Variants in LRRC37B observed in about 807,000 individuals in gnomAD.
The protein encoded by LRRC37B is leucine rich repeat containing 37B, also known as leucine-rich repeat-containing protein 37B.
In LRRC37B, 28 loss-of-function variants were observed where a neutral mutation model predicts 98.3. That is an observed-to-expected ratio of 0.28 (90% confidence interval 0.21 to 0.39). The LOEUF is 0.39. Among genes scored for constraint, LRRC37B ranks in the 10% least tolerant of loss-of-function variants. The pLI, the probability that LRRC37B is intolerant of heterozygous loss-of-function variation, is 1.00. For missense variants in LRRC37B, 938 were observed against 1,182.7 expected, an observed-to-expected ratio of 0.79 and a Z score of 3.03; for synonymous variants, 364 against 442.7, an observed-to-expected ratio of 0.82 and a Z score of 2.23.
chr17:32,051,724 A>G (rs1374217174), intron 11 of LRRC37B: 1 of 152,162 alleles, frequency 6.6e-6, no homozygotes, highest in Admixed American at 6.5e-5. Flanking sequence ...ACCAAAAACT[A>G]TCTTGGGATT....
At chr17:32,047,615 G>A in intron 8 of LRRC37B, 146 bp from the exon 12 acceptor site, 1 of 1,174,336 alleles carries the variant, frequency 8.5e-7, no homozygotes, top group Non-Finnish European at 1.2e-6. Context: ...ATAGGTTTAG[G>A]TTTGGGTGTA....
At chr17:32,016,448 T>C (rs1365100125), upstream of LRRC37B, among the ~76,000 whole-genome samples, 1 of 152,206 alleles carries the variant, frequency 6.6e-6, no homozygotes, top group East Asian at 1.9e-4. Context: ...TGGTTAAGCT[T>C]TGGCTTCCGT....
intron 5 of LRRC37B, among the ~76,000 whole-genome samples, chr17:32,031,710 C>G (rs941678565): frequency 6.8e-4 from 103 of 151,714 alleles, no homozygotes; most frequent in African/African-American, 2.3e-3. Context: ...AAGTGACCCT[C>G]AAATTAGCCT....
At chr17:32,020,883 A>T (rs1276195204), upstream of LRRC37B, 4 of 804,506 alleles carry the variant, frequency 5.0e-6, no homozygotes, top group Admixed American at 7.5e-5. Context: ...GAGTCCTGGG[A>T]CCACCCCGGT....
At position 32,045,780 on chromosome 17, in the gene LRRC37B, A is replaced by G. The variant is rs1911558040; in HGVS notation, c.2285A>G (p.His762Arg). The G allele has an allele frequency of 3.1e-6, 5 of 1,600,612 alleles. No individual in the cohort carries two copies. The East Asian group carries it at 1.1e-4, about 36-fold the overall frequency. Residue 762 changes from histidine to arginine, a missense_variant, in exon 8 of 12, where the codon CAT (histidine) becomes CGT (arginine). Coordinates refer to ENST00000327564, the Ensembl canonical transcript of LRRC37B. ...GCTGTCTGCAAGACAGTCAAGCTGC[A>G]TTGCAACACTGCATGTCTGACTAAC...
At chr17:32,020,769 A>C, upstream of LRRC37B, 2 of 518,380 alleles carry the variant, frequency 3.9e-6, no homozygotes, top group Non-Finnish European at 6.1e-6. Flanking sequence ...AGGCTGCCAG[A>C]ACTGGACTAG....
At chr17:32,037,419 C>A (rs1171876750) in intron 7 of LRRC37B, among the ~76,000 whole-genome samples, 1 of 151,962 alleles carries the variant, frequency 6.6e-6, no homozygotes, top group Non-Finnish European at 1.5e-5. Flanking sequence ...CCACACACCA[C>A]CATGCCCAGC....
At chr17:32,049,310 A>G in exon 10 of LRRC37B, 4 of 1,613,926 alleles carry the variant, frequency 2.5e-6, no homozygotes, top group Non-Finnish European at 3.4e-6. Context: ...CATTGAATGT[A>G]GAATGGGATA....
At chr17:32,043,421 T>G (rs1378616262) in intron 7 of LRRC37B, among the ~76,000 whole-genome samples, 1 of 151,806 alleles carries the variant, frequency 6.6e-6, no homozygotes, top group East Asian at 1.9e-4. Context: ...ATGAGCCAGG[T>G]GTGGTGGCAC....
intron 7 of LRRC37B, among the ~76,000 whole-genome samples, chr17:32,044,446 C>G (rs934353775): frequency 2.0e-5 from 3 of 152,200 alleles, no homozygotes; most frequent in Non-Finnish European, 4.4e-5. Flanking sequence ...CTGGATTTCT[C>G]TGTTTCCACA....
At position 32,026,538 on chromosome 17, in the gene LRRC37B, C is replaced by T. The variant is rs570487758; in HGVS notation, c.1833-1231C>T. Among the ~76,000 whole-genome samples the T allele has an allele frequency of 9.5e-4, 144 of 152,310 alleles. 1 individual carries two copies. Among genetic ancestry groups the T allele is most frequent in the South Asian group, 3.3e-3 (16 of 4,832 alleles). On this transcript the variant is annotated intron_variant, in intron 2 of 11. Coordinates refer to ENST00000327564, the Ensembl canonical transcript of LRRC37B. ...CCACCTCCCGGGTTCAAGGGATTCT[C>T]CTGCCTCAGCCTCCTGGGTAGCTGG...
chr17:32,031,614 A>G (rs2957891), intron 5 of LRRC37B, among the ~76,000 whole-genome samples, 156 bp downstream of exon 8: 53 of 151,752 alleles, frequency 3.5e-4, no homozygotes, highest in African/African-American at 7.0e-4. Context: ...GGTACAAAGC[A>G]GCCAAGAGAC....
In LRRC37B at chr17:32,036,976, A is replaced by ATTT. The variant is rs71360793; in HGVS notation, c.2204+1364_2204+1366dup. 1.2e-3 allele frequency among the ~76,000 whole-genome samples: 62 copies of ATTT among 51,702 alleles called. 14 individuals are homozygous for ATTT. The highest frequency in any genetic ancestry group is 4.4e-3 in the East Asian group (6 of 1,356). 33.9% of individuals were successfully genotyped at this position (51,702 alleles called of 152,430 possible). ...GTCACAGTTGTTCCACATCTTCAGC[A>ATTT]TTTTTTTTTTTTTTTTTTTTTTTTT... On this transcript the variant is annotated intron_variant, in intron 7 of 11. Coordinates refer to ENST00000327564, the Ensembl canonical transcript of LRRC37B.
rs760142682 is a variant in LRRC37B at position 32,022,076 on chromosome 17, C to T, written c.1011C>T (p.Ser337=). Residue 337 remains serine (S), a synonymous_variant, in exon 1 of 12, where the codon TCC becomes TCT. Transcript: ENST00000327564. ...AGGCCCCAGCTCTGCCTCCAGAGTCCTCTATGGAGAGTCTAGCTCAAACTC... is the reference window on the plus strand; with the variant it reads ...AGGCCCCAGCTCTGCCTCCAGAGTCTTCTATGGAGAGTCTAGCTCAAACTC... The T allele has an allele frequency of 3.1e-6, 5 of 1,613,424 alleles. No homozygotes were observed. In the East Asian group the frequency reaches 6.7e-5, roughly 22 times the overall value.
At chr17:32,038,622 C>T (rs530677745) in intron 7 of LRRC37B, among the ~76,000 whole-genome samples, 5 of 152,126 alleles carry the variant, frequency 3.3e-5, no homozygotes, top group South Asian at 2.1e-4. Flanking sequence ...TTTGGGAGGC[C>T]GAGGCAGGTG....
chr17:32,014,420 A>C (rs1184674253), intron 1 of LRRC37B, among the ~76,000 whole-genome samples: 1 of 152,204 alleles, frequency 6.6e-6, no homozygotes, highest in Non-Finnish European at 1.5e-5. Flanking sequence ...TTCAACAATT[A>C]AGGCAAAAAG....
upstream of LRRC37B, among the ~76,000 whole-genome samples, chr17:32,020,476 TC>T (rs938966654): frequency 2.0e-5 from 3 of 152,170 alleles, no homozygotes; most frequent in Admixed American, 6.5e-5. Context: ...AAAGGGCTGT[TC>T]CCTCGGATTG....
chr17:32,036,677 G>A (rs1318898589), intron 7 of LRRC37B, among the ~76,000 whole-genome samples: 1 of 152,148 alleles, frequency 6.6e-6, no homozygotes, highest in African/African-American at 2.4e-5. Context: ...TTATTGCTCA[G>A]TAGTATTCCA....
chr17:32,008,336 T>A (rs1200786596), intron 1 of LRRC37B, among the ~76,000 whole-genome samples: 1 of 152,230 alleles, frequency 6.6e-6, no homozygotes, highest in Non-Finnish European at 1.5e-5. Context: ...AAATGGAGAT[T>A]GCATTGTTGC....
Sources: gnomAD v4.1 joint callset for allele counts (sites outside exome capture counted in the v4.1 genomes callset) on GRCh38, gnomAD v4.1.1 for gene constraint, MANE v1.5 for transcripts, NCBI Gene and HGNC (gene_info 2026-07-23, HGNC 2026-07-21) for gene names.